Variants in BSPH1 observed in about 807,000 individuals in gnomAD.
BSPH1 encodes binder of sperm protein homolog 1.
In BSPH1, 21 loss-of-function variants were observed where a neutral mutation model predicts 22.5. That is an observed-to-expected ratio of 0.93 (90% CI 0.66 to 1.35). BSPH1 has a LOEUF of 1.35. BSPH1 is among the 40% of genes most tolerant of loss of function. The pLI is 0.00. For missense variants in BSPH1, 141 were observed against 154.2 expected, an observed-to-expected ratio of 0.91 and a Z score of 0.45; for synonymous variants, 42 against 53.6, an observed-to-expected ratio of 0.78 and a Z score of 0.95.
intron 5 of BSPH1, among the ~76,000 whole-genome samples, chr19:47,973,081 G>GC (rs1969325522): frequency 6.6e-6 from 1 of 151,794 alleles, no homozygotes; most frequent in Admixed American, 6.6e-5. Context: ...GCCTGGCGTG[G>GC]TGGCGGGCGC....
At chr19:47,989,388 C>A (rs978664420) in intron 1 of BSPH1, among the ~76,000 whole-genome samples, 1 of 151,948 alleles carries the variant, frequency 6.6e-6, no homozygotes, top group African/African-American at 2.4e-5. Flanking sequence ...TTGTGATCCG[C>A]CCGCCTCGGC....
chr19:47,979,900 C>T (rs1969402420), intron 2 of BSPH1, among the ~76,000 whole-genome samples: 1 of 152,036 alleles, frequency 6.6e-6, no homozygotes. Context: ...CCATCAATGT[C>T]CAGTTGGTTC....
chr19:47,988,205 C>T (rs900216646), intron 1 of BSPH1, among the ~76,000 whole-genome samples: 4 of 152,102 alleles, frequency 2.6e-5, no homozygotes, highest in African/African-American at 7.2e-5. Flanking sequence ...CTGTGAGTAT[C>T]GACTACTAAA....
intron 1 of BSPH1, among the ~76,000 whole-genome samples, chr19:47,988,031 A>T (rs1044660704): frequency 2.0e-5 from 3 of 152,246 alleles, no homozygotes; most frequent in Admixed American, 6.5e-5. Context: ...TAAAAATTAC[A>T]AAATCAGAAA....
intron 1 of BSPH1, among the ~76,000 whole-genome samples, chr19:47,991,491 C>T (rs1244502142): frequency 7.2e-6 from 1 of 138,168 alleles, no homozygotes; most frequent in Non-Finnish European, 1.6e-5. Flanking sequence ...TTCTTCTCTT[C>T]CTTCTCCTCC....
intron 5 of BSPH1, among the ~76,000 whole-genome samples, chr19:47,972,329 T>G (rs1469173713): frequency 2.0e-5 from 3 of 152,094 alleles, no homozygotes; most frequent in South Asian, 2.1e-4. Context: ...ATGTGCAGGT[T>G]TATTATACAG....
chr19:47,977,203 A>G (rs1969373262), intron 4 of BSPH1, among the ~76,000 whole-genome samples, 170 bp downstream of exon 4: 1 of 152,214 alleles, frequency 6.6e-6, no homozygotes, highest in Non-Finnish European at 1.5e-5. Flanking sequence ...TGCTCATAAC[A>G]TATCTATGGT....
At position 47,976,847 on chromosome 19, in the gene BSPH1, T is replaced by C. The variant is rs1333933303; in HGVS notation, c.264A>G (p.Ala88=). 1 of 1,550,938 alleles carries C rather than the reference T, an allele frequency of 6.4e-7. No homozygotes were observed. Among genetic ancestry groups the C allele is most frequent in the Non-Finnish European group, 8.7e-7 (1 of 1,146,830 alleles). Residue 88 remains alanine, a synonymous_variant, in exon 5 of 6, where the codon GCA becomes GCG. Coordinates refer to ENST00000344839, the MANE Select transcript of BSPH1 (RefSeq NM_001128326.2). ...TGTACCAGAAGGGAAATACACAGTT[T>C]GCAAAATCTGCAGAGGAGGAAGAGG... ...YWKFCSAEDF[A]NCVFPFWYRR...
In BSPH1 at chr19:47,977,387, A is replaced by G; in HGVS notation, c.242T>C (p.Phe81Ser). 6.4e-7 allele frequency: 1 copy of G among 1,551,984 alleles called. No homozygotes were observed. Among genetic ancestry groups the G allele is most frequent in the African/African-American group, 1.4e-5 (1 of 73,002 alleles). Reference protein sequence around the residue: ...LNKTYEGYWKFCSAEDFANCV... With the variant: ...LNKTYEGYWKSCSAEDFANCV... ...AGGACACTCACCTTCTGCACTGCAA[A>G]ACTTCCAGTATCCTTCGTAGGTCTT... The change falls in exon 4 of 6, where the codon TTT becomes TCT. Residue 81 changes from phenylalanine to serine, a missense_variant. Physicochemically the swap from Phe to Ser is radical, Grantham distance 155 (BLOSUM62 -2). Transcript: ENST00000344839.
Position 47,976,764 on chromosome 19 carries a change from C to A in BSPH1, c.347G>T (p.Cys116Phe). The change falls in exon 5 of 6, where the codon TGT becomes TTT. Residue 116 changes from cysteine (C) to phenylalanine (F), a missense_variant. Cys to Phe is a radical substitution (Grantham distance 205). Coordinates refer to ENST00000344839, the MANE Select transcript of BSPH1 (RefSeq NM_001128326.2). Reference protein sequence around the residue: ...DDGEAFGKKWCSLTKNFNKDR... With the variant: ...DDGEAFGKKWFSLTKNFNKDR... ...CTTGTTAAAATTCTTGGTCAGTGAACACCATTTTTTCCCAAATGCTTCCCC... is the reference window on the plus strand; with the variant it reads ...CTTGTTAAAATTCTTGGTCAGTGAAAACCATTTTTTCCCAAATGCTTCCCC... The A allele has an allele frequency of 1.3e-6, 2 of 1,551,686 alleles. No homozygotes were observed. The highest frequency in any genetic ancestry group is 1.7e-6 in the Non-Finnish European group (2 of 1,146,892).
downstream of BSPH1, among the ~76,000 whole-genome samples, chr19:47,967,776 T>A (rs746111405): frequency 1.3e-5 from 2 of 152,188 alleles, no homozygotes; most frequent in Non-Finnish European, 2.9e-5. Flanking sequence ...AAGGACACAG[T>A]TCAGCCCATA....
At chr19:47,976,518 C>G (rs116385587) in intron 5 of BSPH1, among the ~76,000 whole-genome samples, 192 bp downstream of exon 5, 1 of 149,528 alleles carries the variant, frequency 6.7e-6, no homozygotes, top group South Asian at 2.1e-4. Flanking sequence ...ATATTAAAAC[C>G]CCATAATCCT....
At chr19:47,976,678 C>G in intron 5 of BSPH1, 32 bp downstream of exon 5, 1 of 1,508,712 alleles carries the variant, frequency 6.6e-7, no homozygotes, top group Non-Finnish European at 9.0e-7. Context: ...AATGATTAAA[C>G]GTCTTCATCC....
At chr19:47,984,533 A>G (rs545988409) in intron 1 of BSPH1, among the ~76,000 whole-genome samples, 80 of 152,260 alleles carry the variant, frequency 5.3e-4, no homozygotes, top group African/African-American at 1.6e-3. Flanking sequence ...TCATTTTTTC[A>G]GTTAAACCCA....
At chr19:47,971,156 T>C (rs1969307599) in intron 5 of BSPH1, among the ~76,000 whole-genome samples, 3 of 152,138 alleles carry the variant, frequency 2.0e-5, no homozygotes, top group Non-Finnish European at 4.4e-5. Flanking sequence ...TTCCTACCTT[T>C]CCAGCGATTT....
intron 5 of BSPH1, 143 bp from the exon 6 acceptor site, chr19:47,968,352 C>G (rs932849968): frequency 7.0e-6 from 1 of 142,054 alleles, no homozygotes; most frequent in African/African-American, 2.5e-5. Context: ...ATCAGTCTCT[C>G]TCTCTTTTTT....
At chr19:47,968,837 A>G (rs1969282757) in intron 5 of BSPH1, among the ~76,000 whole-genome samples, 1 of 151,698 alleles carries the variant, frequency 6.6e-6, no homozygotes, top group Admixed American at 6.6e-5. Flanking sequence ...CGTCTCTACT[A>G]AAATACAAAA....
intron 1 of BSPH1, among the ~76,000 whole-genome samples, chr19:47,991,753 T>C (rs1600095887): frequency 2.3e-5 from 2 of 86,986 alleles, no homozygotes. Context: ...CTTCTCTCCC[T>C]CCTCCTCTTC....
intron 5 of BSPH1, among the ~76,000 whole-genome samples, chr19:47,968,954 A>G (rs59082129): frequency 0.1 from 14,918 of 149,724 alleles, 928 homozygotes; most frequent in East Asian, 0.28. Flanking sequence ...AGCCGAGATC[A>G]CACCATTGCA....
Sources: allele counts gnomAD v4.1 joint callset (sites outside exome capture counted in the v4.1 genomes callset), GRCh38; gene constraint gnomAD v4.1.1; transcripts MANE v1.5; gene names NCBI Gene and HGNC (gene_info 2026-07-23, HGNC 2026-07-21).